Variants in FANCA observed in about 807,000 individuals in gnomAD.
The protein encoded by FANCA is Fanconi anemia group A protein.
Under a neutral mutation model 194.3 loss-of-function variants are expected in FANCA, and 236 were observed. The observed-to-expected ratio is 1.21, with a 90% confidence interval of 1.09 to 1.35. FANCA has a LOEUF of 1.35. Among genes scored for constraint, FANCA ranks in the 40% most tolerant of loss-of-function variants. The pLI, the probability that FANCA is intolerant of heterozygous loss-of-function variation, is 0.00. For missense variants in FANCA, 2,628 were observed against 1,813.9 expected (o/e 1.45, Z -8.15); for synonymous variants, 1,014 against 715.8 (o/e 1.42, Z -6.65).
chr16:89,811,981 T>A (rs2040900476), intron 3 of FANCA, among the ~76,000 whole-genome samples: 1 of 151,348 alleles, frequency 6.6e-6, no homozygotes, highest in Non-Finnish European at 1.5e-5. Context: ...TCCGCCCGCC[T>A]CGGCCTCCCA....
chr16:89,739,021 CAG>C, intron 41 of FANCA, 47 bp from the exon 42 acceptor site: 1 of 1,614,194 alleles, frequency 6.2e-7, no homozygotes, highest in Non-Finnish European at 8.5e-7. Context: ...CATACAGAAA[CAG>C]GGCTGGTGTG....
At chr16:89,796,471 G>C (rs1300694759) in intron 10 of FANCA, among the ~76,000 whole-genome samples, 1 of 152,138 alleles carries the variant, frequency 6.6e-6, no homozygotes, top group East Asian at 1.9e-4. Flanking sequence ...GTCACAACAG[G>C]GACTGAGGCC....
In FANCA at chr16:89,816,524, C is replaced by A; in HGVS notation, c.79+13G>T. On this transcript the variant is annotated intron_variant, in intron 1 of 42. Coordinates refer to ENST00000389301, the MANE Select transcript of FANCA (RefSeq NM_000135.4). ...GACGCCGCCCACTCCCGCGGCCTGC[C>A]GCGCCCACCTACCCAGCAGCTCGGC... The A allele has an allele frequency of 6.7e-7, 1 of 1,485,454 alleles. No individual in the cohort carries two copies. Among genetic ancestry groups the A allele is most frequent in the Non-Finnish European group, 8.9e-7 (1 of 1,124,632 alleles). The allele number at this position is 1,485,454 out of a possible 1,614,324, so 92.0% of individuals were successfully genotyped here.
At chr16:89,804,866 T>C (rs1195486812) in intron 7 of FANCA, among the ~76,000 whole-genome samples, 1 of 151,782 alleles carries the variant, frequency 6.6e-6, no homozygotes, top group Admixed American at 6.6e-5. Context: ...ACCCCGTCTC[T>C]ACTAAAAATA....
At chr16:89,756,539 C>T (rs1371834704) in intron 30 of FANCA, among the ~76,000 whole-genome samples, 2 of 152,156 alleles carry the variant, frequency 1.3e-5, no homozygotes, top group African/African-American at 4.8e-5. Flanking sequence ...GCAGGAGGAT[C>T]ACTTGAGCCC....
intron 20 of FANCA, among the ~76,000 whole-genome samples, chr16:89,777,562 A>G (rs2039551619): frequency 6.6e-6 from 1 of 151,698 alleles, no homozygotes; most frequent in African/African-American, 2.4e-5. Context: ...TGTCTCTACT[A>G]AAAATACAAA....
chr16:89,784,791 G>A (rs2039841478), intron 15 of FANCA, 63 bp downstream of exon 15: 17 of 1,309,376 alleles, frequency 1.3e-5, no homozygotes, highest in Non-Finnish European at 1.9e-5. Context: ...GGCCAAGGCA[G>A]TCCTCAGATG....
At chr16:89,799,491 C>T in intron 9 of FANCA, 114 bp downstream of exon 9, 1 of 1,115,422 alleles carries the variant, frequency 9.0e-7, no homozygotes, top group Non-Finnish European at 1.4e-6. Flanking sequence ...CAGGACTCTG[C>T]ACAGTGAAAC....
At chr16:89,738,820 GC>G in intron 42 of FANCA, 61 bp downstream of exon 42, 1 of 1,614,042 alleles carries the variant, frequency 6.2e-7, no homozygotes, top group Non-Finnish European at 8.5e-7. Context: ...CAGGCACATG[GC>G]CCAGGCAGCT....
chr16:89,743,554 T>C (rs17233678), intron 36 of FANCA, among the ~76,000 whole-genome samples: 9,064 of 152,284 alleles, frequency 0.06, 416 homozygotes, highest in East Asian at 0.22. Context: ...CAGGGCGTGG[T>C]GGTTCACGCC....
chr16:89,760,468 G>A (rs2143245532), intron 29 of FANCA, among the ~76,000 whole-genome samples: 1 of 152,200 alleles, frequency 6.6e-6, no homozygotes, highest in East Asian at 1.9e-4. Context: ...CAGGGTGGCT[G>A]TTGCCAACCC....
intron 6 of FANCA, among the ~76,000 whole-genome samples, chr16:89,807,532 C>T (rs968417077): frequency 6.6e-5 from 10 of 151,730 alleles, no homozygotes; most frequent in African/African-American, 2.2e-4. Flanking sequence ...GGGGAATCAC[C>T]TGAGGTTAGG....
In FANCA at chr16:89,775,798, G is replaced by A. The variant is rs997083097; in HGVS notation, c.1844C>T (p.Pro615Leu). ...ESLKRADKIP[P>L]SLYSTYCQAC... Reference sequence around the variant, plus strand: ...CTGGCAGTAGGTGGAGTACAGAGATGGGGGGATTTTATCTGCTCTGGATCA... The same window carrying A: ...CTGGCAGTAGGTGGAGTACAGAGATAGGGGGATTTTATCTGCTCTGGATCA... The change falls in exon 21 of 43, where the codon CCA becomes CTA. Residue 615 changes from proline (P) to leucine (L), a missense_variant. Transcript: ENST00000389301. The A allele has an allele frequency of 1.2e-6, 2 of 1,611,606 alleles. No homozygotes were observed. Among genetic ancestry groups the A allele is most frequent in the African/African-American group, 1.3e-5 (1 of 74,832 alleles).
intron 6 of FANCA, among the ~76,000 whole-genome samples, chr16:89,806,782 G>A (rs565720189): frequency 1.3e-5 from 2 of 152,224 alleles, no homozygotes; most frequent in African/African-American, 2.4e-5. Flanking sequence ...ATCTGATTTC[G>A]CAATCTTTTC....
rs1007696829 is a variant in FANCA, at chr16:89,737,905, A to C, written c.*696T>G. The stretch of plus-strand genomic sequence containing the variant: ...CGACATTCGGGAGCCAAGCCTTTGC[A>C]GTAAGTGTGAGTCAGGACCCCCTCC... On this transcript the variant is annotated 3_prime_UTR_variant, in exon 43 of 43. Coordinates refer to ENST00000389301, the MANE Select transcript of FANCA (RefSeq NM_000135.4). The C allele has an allele frequency of 6.3e-7, 1 of 1,596,362 alleles. No homozygotes were observed. The highest frequency in any genetic ancestry group is 1.7e-4 in the Middle Eastern group (1 of 6,056).
chr16:89,754,029 G>A (rs1229213304), intron 30 of FANCA, among the ~76,000 whole-genome samples: 4 of 152,154 alleles, frequency 2.6e-5, no homozygotes, highest in Non-Finnish European at 5.9e-5. Flanking sequence ...ACTCCAGCCT[G>A]GGACACACAG....
At chr16:89,803,728 T>C (rs1040447259) in intron 7 of FANCA, among the ~76,000 whole-genome samples, 1 of 151,086 alleles carries the variant, frequency 6.6e-6, no homozygotes, top group African/African-American at 2.4e-5. Context: ...GTTCAAGCAA[T>C]TCTCTGCCTC....
intron 15 of FANCA, among the ~76,000 whole-genome samples, chr16:89,783,785 G>A (rs1381114750): frequency 6.6e-6 from 1 of 151,934 alleles, no homozygotes; most frequent in East Asian, 2.0e-4. Flanking sequence ...TCTTTTGAGA[G>A]GGAGTTTTGC....
intron 21 of FANCA, among the ~76,000 whole-genome samples, chr16:89,775,432 C>T (rs1025757378): frequency 4.6e-5 from 7 of 152,212 alleles, no homozygotes; most frequent in African/African-American, 1.2e-4. Flanking sequence ...AGAGAGCACC[C>T]GAGTCTGAAG....
Sources: gnomAD v4.1 joint callset for allele counts (sites outside exome capture counted in the v4.1 genomes callset) on GRCh38, gnomAD v4.1.1 for gene constraint, MANE v1.5 for transcripts, NCBI Gene and HGNC (gene_info 2026-07-23, HGNC 2026-07-21) for gene names.